Variants in UBE2D3 observed in about 807,000 individuals in gnomAD.
UBE2D3 encodes ubiquitin conjugating enzyme E2 D3.
UBE2D3 carries 2 observed loss-of-function variants against 22.8 expected under a neutral mutation model. The ratio of observed to expected loss-of-function variants is 0.09; its 90% CI spans 0.04 to 0.28. UBE2D3 has a LOEUF of 0.28. Among genes scored for constraint, UBE2D3 ranks in the 10% least tolerant of loss-of-function variants. The pLI is 1.00. For missense variants in UBE2D3, 27 were observed against 182.5 expected (o/e 0.15, Z 4.91); for synonymous variants, 56 against 60.4 (o/e 0.93, Z 0.34).
chr4:102,859,847 ATTTGT>A (rs1560894739), intron 1 of UBE2D3, among the ~76,000 whole-genome samples: 1 of 143,758 alleles, frequency 7.0e-6, no homozygotes, highest in Non-Finnish European at 1.6e-5. Context: ...TCAGAATTTG[ATTTGT>A]TTTTTTTTTT....
intron 1 of UBE2D3, chr4:102,827,208 C>T: frequency 4.1e-6 from 4 of 985,258 alleles, no homozygotes; most frequent in Non-Finnish European, 4.8e-6. Flanking sequence ...ACCACGCGCC[C>T]GCGCTGTCCC....
chr4:102,835,778 A>ATG, intron 1 of UBE2D3, among the ~76,000 whole-genome samples: 1 of 33,156 alleles, frequency 3.0e-5, no homozygotes, highest in East Asian at 8.3e-4. Flanking sequence ...ATAAGCTAAC[A>ATG]TATATATATA....
rs961303277 is a variant in UBE2D3, at chr4:102,825,240, G to A, written c.24+1245C>T. On this transcript the variant is annotated intron_variant, in intron 2 of 7. Coordinates refer to ENST00000453744, the MANE Select transcript of UBE2D3 (RefSeq NM_181891.3). Reference sequence around the variant, plus strand: ...AAAACCAAAGTTTCTAACACTCACCGACACTCCACAATTTTTCTAGTAAGG... The same window carrying A: ...AAAACCAAAGTTTCTAACACTCACCAACACTCCACAATTTTTCTAGTAAGG... 2.4e-5 allele frequency: 24 copies of A among 985,694 alleles called. No homozygotes were observed. In the African/African-American group the frequency reaches 4.0e-4, roughly 17 times the overall value. 61.1% of individuals were successfully genotyped at this position (985,694 alleles called of 1,614,324 possible).
chr4:102,825,816 C>T (rs887785722), intron 2 of UBE2D3: 3 of 455,072 alleles, frequency 6.6e-6, no homozygotes, highest in African/African-American at 2.0e-5. Flanking sequence ...TACATCAGTT[C>T]CCGGTGTCCC....
chr4:102,817,875 T>C (rs1010437334), intron 2 of UBE2D3, among the ~76,000 whole-genome samples: 1 of 152,192 alleles, frequency 6.6e-6, no homozygotes, highest in East Asian at 1.9e-4. Flanking sequence ...TTAAAAGTAA[T>C]TTTGTCTACG....
chr4:102,853,181 C>T (rs919795129), intron 1 of UBE2D3, among the ~76,000 whole-genome samples: 2 of 112,742 alleles, frequency 1.8e-5, no homozygotes, highest in Non-Finnish European at 3.3e-5. Flanking sequence ...TTCGCTCTGT[C>T]GCCCAGGCTG....
At chr4:102,863,349 C>T (rs2738925) in intron 1 of UBE2D3, among the ~76,000 whole-genome samples, 1 of 152,064 alleles carries the variant, frequency 6.6e-6, no homozygotes, top group East Asian at 1.9e-4. Flanking sequence ...CCGAGCCCGG[C>T]CCCAGGCTCT....
At chr4:102,801,844 T>C (rs544049333) in intron 5 of UBE2D3, 19 of 207,580 alleles carry the variant, frequency 9.2e-5, no homozygotes, top group Non-Finnish European at 1.8e-4. Flanking sequence ...TAAAGGTATT[T>C]AACACATTCA....
intron 1 of UBE2D3, among the ~76,000 whole-genome samples, chr4:102,867,905 A>C (rs1345277482): frequency 6.6e-6 from 1 of 152,172 alleles, no homozygotes; most frequent in Non-Finnish European, 1.5e-5. Flanking sequence ...CTTTATGAAA[A>C]AAAATTTTTT....
chr4:102,826,413 C>T, intron 2 of UBE2D3, 72 bp downstream of exon 2: 1 of 1,583,094 alleles, frequency 6.3e-7, no homozygotes, highest in African/African-American at 1.4e-5. Flanking sequence ...TTCCTTCCCA[C>T]CCCCACGCTT....
chr4:102,841,570 C>T (rs1329162275), intron 1 of UBE2D3, among the ~76,000 whole-genome samples: 1 of 152,160 alleles, frequency 6.6e-6, no homozygotes, highest in Non-Finnish European at 1.5e-5. Flanking sequence ...ATGCATATTA[C>T]ACCTTAAATT....
At chr4:102,830,962 T>C (rs1409198646), upstream of UBE2D3, among the ~76,000 whole-genome samples, 1 of 152,248 alleles carries the variant, frequency 6.6e-6, no homozygotes, top group East Asian at 1.9e-4. Context: ...GGCCACGTTA[T>C]TATAATAACT....
At chr4:102,846,949 C>T (rs973417332) in intron 1 of UBE2D3, among the ~76,000 whole-genome samples, 16 of 151,676 alleles carry the variant, frequency 1.1e-4, no homozygotes, top group Non-Finnish European at 8.8e-5. Flanking sequence ...TAGCCCCAGC[C>T]GGTAAATTCT....
At chr4:102,821,464 C>T (rs547744795) in intron 2 of UBE2D3, among the ~76,000 whole-genome samples, 3 of 152,114 alleles carry the variant, frequency 2.0e-5, no homozygotes, top group East Asian at 1.9e-4. Flanking sequence ...TAGAATACTA[C>T]GTCTAATGCA....
chr4:102,820,911 A>C (rs1729501828), intron 2 of UBE2D3, among the ~76,000 whole-genome samples: 1 of 152,200 alleles, frequency 6.6e-6, no homozygotes, highest in Non-Finnish European at 1.5e-5. Flanking sequence ...TAAATACGAC[A>C]AATTCAGCTA....
intron 1 of UBE2D3, among the ~76,000 whole-genome samples, chr4:102,836,791 T>G (rs1008632337): frequency 6.6e-6 from 1 of 152,264 alleles, no homozygotes; most frequent in Non-Finnish European, 1.5e-5. Context: ...TTTCATGTGC[T>G]TCTTTGTCAT....
At chr4:102,797,929 G>GA (rs1725460181) in intron 7 of UBE2D3, among the ~76,000 whole-genome samples, 1 of 151,800 alleles carries the variant, frequency 6.6e-6, no homozygotes. Flanking sequence ...GATATTACAA[G>GA]AAAAAATGGC....
At chr4:102,805,251 A>G (rs557308208) in intron 4 of UBE2D3, among the ~76,000 whole-genome samples, 2 of 152,350 alleles carry the variant, frequency 1.3e-5, no homozygotes, top group African/African-American at 4.8e-5. Context: ...GAAACTAGGC[A>G]ATATAAAAAA....
intron 1 of UBE2D3, among the ~76,000 whole-genome samples, chr4:102,862,508 G>T (rs1396560702): frequency 6.8e-6 from 1 of 147,858 alleles, no homozygotes; most frequent in Non-Finnish European, 1.5e-5. Context: ...CTCTTATTTT[G>T]GGTTTCTTAT....
Sources: allele counts gnomAD v4.1 joint callset (sites outside exome capture counted in the v4.1 genomes callset), GRCh38; gene constraint gnomAD v4.1.1; transcripts MANE v1.5; gene names NCBI Gene and HGNC (gene_info 2026-07-23, HGNC 2026-07-21).